Variants in ANKRD28 observed in about 807,000 individuals in gnomAD.
The protein encoded by ANKRD28 is ankyrin repeat domain 28.
A neutral mutation model predicts 126.5 loss-of-function variants in ANKRD28; 44 were observed. That is an observed-to-expected ratio of 0.35 (90% CI 0.27 to 0.45). ANKRD28 has a LOEUF of 0.45. Among genes scored for constraint, ANKRD28 ranks in the 20% least tolerant of loss-of-function variants. ANKRD28 has a pLI of 1.00. For missense variants in ANKRD28, 1,110 were observed against 1,316.6 expected, an observed-to-expected ratio of 0.84 and a Z score of 2.43; for synonymous variants, 442 against 468.5, an observed-to-expected ratio of 0.94 and a Z score of 0.73.
chr3:15,725,735 A>C (rs528905142), intron 6 of ANKRD28, among the ~76,000 whole-genome samples: 4 of 152,126 alleles, frequency 2.6e-5, no homozygotes, highest in Non-Finnish European at 2.9e-5. Context: ...GGGCATCACA[A>C]ACTGCACTCA....
chr3:15,795,860 C>A (rs2060253078), intron 1 of ANKRD28, among the ~76,000 whole-genome samples: 1 of 152,024 alleles, frequency 6.6e-6, no homozygotes, highest in African/African-American at 2.4e-5. Context: ...CAAACACATG[C>A]ATAACTAAAT....
chr3:15,669,260 C>CA lies in ANKRD28; in HGVS notation c.*1009dup, dbSNP rs2066146967. On this transcript the variant is annotated 3_prime_UTR_variant, in exon 28 of 28. Coordinates refer to ENST00000683139, the MANE Select transcript of ANKRD28 (RefSeq NM_001349278.2). ...TTCAAAACTCATAGATCAGAATAAA[C>CA]AAAAAATCCCCCAACCCATGGTGGG... The CA allele has an allele frequency of 6.6e-6, 1 of 151,998 alleles. No homozygotes were observed. The highest frequency in any genetic ancestry group is 1.9e-4 in the East Asian group (1 of 5,196). The allele number at this position is 151,998 out of a possible 1,614,324, so 9.4% of individuals were successfully genotyped here. A position where few individuals can be genotyped will look rare whatever the true frequency, so the allele number is the denominator to read the frequency against.
At chr3:15,801,910 T>G (rs1209494707), upstream of ANKRD28, among the ~76,000 whole-genome samples, 1 of 152,218 alleles carries the variant, frequency 6.6e-6, no homozygotes, top group East Asian at 1.9e-4. This position sits in a 1 kb window ranked among gnomAD's most constrained non-coding sequence, Gnocchi z 4.9. Context: ...CGATCTCAAG[T>G]GGTGTGATCC....
intron 1 of ANKRD28, among the ~76,000 whole-genome samples, chr3:15,805,175 T>TA (rs2060550999): frequency 8.4e-6 from 1 of 118,488 alleles, no homozygotes; most frequent in Non-Finnish European, 1.7e-5. Flanking sequence ...AGAATATAAG[T>TA]AAAAAATTCA....
chr3:15,856,180 T>C (rs1316731493), intron 1 of ANKRD28, among the ~76,000 whole-genome samples: 2 of 151,278 alleles, frequency 1.3e-5, no homozygotes, highest in Non-Finnish European at 2.9e-5. Flanking sequence ...AATCTGGATT[T>C]CTGGCTTCCA....
At chr3:15,807,389 T>C (rs187831923) in intron 1 of ANKRD28, among the ~76,000 whole-genome samples, 8 of 152,204 alleles carry the variant, frequency 5.3e-5, no homozygotes, top group Non-Finnish European at 7.4e-5. Context: ...ACAAACAAAA[T>C]TGGGGGTAAG....
chr3:15,781,085 C>A (rs761073705), intron 2 of ANKRD28, among the ~76,000 whole-genome samples: 1 of 150,302 alleles, frequency 6.7e-6, no homozygotes, highest in Non-Finnish European at 1.5e-5. Context: ...AATGAAAAAG[C>A]TTTTGCACAG....
intron 27 of ANKRD28, among the ~76,000 whole-genome samples, chr3:15,671,668 T>C (rs147907955): frequency 0.015 from 2,205 of 151,494 alleles, 58 homozygotes; most frequent in African/African-American, 0.05. Flanking sequence ...ACTGCAACCT[T>C]TGCCTCCTGG....
chr3:15,793,684 C>A (rs1043932673), intron 2 of ANKRD28, among the ~76,000 whole-genome samples: 1 of 152,176 alleles, frequency 6.6e-6, no homozygotes. Context: ...TCCACCTTTT[C>A]ATGCGTCTAT....
chr3:15,778,409 G>C (rs1011145138), intron 2 of ANKRD28, among the ~76,000 whole-genome samples: 1 of 152,162 alleles, frequency 6.6e-6, no homozygotes, highest in Non-Finnish European at 1.5e-5. Context: ...TTCTCACCTA[G>C]AGACCTGACT....
Position 15,796,530 on chromosome 3 carries a change from T to C in ANKRD28, c.-9A>G. Reference sequence around the variant, plus strand: ...ATACACACTCGACTCATTCGATCTTTTAAAACACTAAATTCCAAGCTATGT... The same window carrying C: ...ATACACACTCGACTCATTCGATCTTCTAAAACACTAAATTCCAAGCTATGT... On this transcript the variant is annotated 5_prime_UTR_variant, in exon 1 of 28. It removes the in-frame stop codon of an upstream open reading frame in the 5' UTR. Coordinates refer to ENST00000683139, the MANE Select transcript of ANKRD28 (RefSeq NM_001349278.2). The C allele has an allele frequency of 7.8e-7, 1 of 1,278,876 alleles. No homozygotes were observed. Among genetic ancestry groups the C allele is most frequent in the Non-Finnish European group, 1.0e-6 (1 of 982,852 alleles). 79.2% of individuals were successfully genotyped at this position (1,278,876 alleles called of 1,614,324 possible). A position where few individuals can be genotyped will look rare whatever the true frequency, so the allele number is the denominator to read the frequency against.
intron 3 of ANKRD28, among the ~76,000 whole-genome samples, chr3:15,755,317 T>C (rs1187058535): frequency 1.3e-5 from 2 of 152,136 alleles, no homozygotes; most frequent in African/African-American, 4.8e-5. Flanking sequence ...TATAAACAGA[T>C]AAATATGACA....
At chr3:15,762,304 T>A (rs892306930) in intron 3 of ANKRD28, among the ~76,000 whole-genome samples, 6 of 151,804 alleles carry the variant, frequency 4.0e-5, no homozygotes, top group African/African-American at 1.5e-4. Context: ...TCCTCTATAG[T>A]GTCAACTTTC....
rs5846879 is a variant in ANKRD28 at position 15,845,310 on chromosome 3, GTA to G, written c.27+14065_27+14066del. Among the ~76,000 whole-genome samples, 120,859 of 150,978 alleles carry G rather than the reference GTA, an allele frequency of 0.8. 49,030 individuals are homozygous for G. Among genetic ancestry groups the G allele is most frequent in the Middle Eastern group, 0.93 (267 of 288 alleles). On this transcript the variant is annotated intron_variant, in intron 1 of 27. Coordinates refer to the ANKRD28 transcript ENST00000399451. The surrounding 1 kb of genome is among the most constrained non-coding windows in gnomAD (Gnocchi z 4.9). ...CACAATCTTCCAGAACATTTCTAAAGTATATATATATATATATTCCATATTAC... is the reference window on the plus strand; with the variant it reads ...CACAATCTTCCAGAACATTTCTAAAGTATATATATATATATTCCATATTAC...
intron 2 of ANKRD28, among the ~76,000 whole-genome samples, chr3:15,790,607 A>G (rs927057266): frequency 2.0e-5 from 3 of 152,212 alleles, no homozygotes; most frequent in African/African-American, 7.2e-5. Context: ...CATGATAAAA[A>G]CCCTCAAAAA....
At chr3:15,824,892 A>C (rs758375048) in intron 1 of ANKRD28, among the ~76,000 whole-genome samples, 3 of 152,242 alleles carry the variant, frequency 2.0e-5, no homozygotes, top group Non-Finnish European at 4.4e-5. Context: ...AGAAATATAC[A>C]TTGATACAGC....
chr3:15,787,471 T>G (rs2059831699), intron 2 of ANKRD28, among the ~76,000 whole-genome samples: 1 of 152,182 alleles, frequency 6.6e-6, no homozygotes, highest in Non-Finnish European at 1.5e-5. Context: ...AAAGCTGAGT[T>G]GGTTCTTCTC....
At chr3:15,728,349 C>G (rs1364492136) in intron 6 of ANKRD28, among the ~76,000 whole-genome samples, 1 of 152,104 alleles carries the variant, frequency 6.6e-6, no homozygotes, top group Non-Finnish European at 1.5e-5. Context: ...GGCTGAAATG[C>G]AGTGGTGTGA....
exon 1 of ANKRD28, chr3:15,859,394 G>A (rs2061855202): frequency 2.6e-6 from 4 of 1,528,830 alleles, no homozygotes; most frequent in South Asian, 1.2e-5. Flanking sequence ...CGGAGTTTGA[G>A]GAACGCCATG....
Sources: gnomAD v4.1 joint callset for allele counts (sites outside exome capture counted in the v4.1 genomes callset) on GRCh38, gnomAD v4.1.1 for gene constraint, Gnocchi (gnomAD v3.1) non-coding constraint, MANE v1.5 for transcripts, NCBI Gene and HGNC (gene_info 2026-07-23, HGNC 2026-07-21) for gene names.